SETD2: variants seen among roughly 807,000 people sequenced by gnomAD.
SETD2 encodes SET domain containing 2, histone lysine methyltransferase, also known as histone-lysine N-methyltransferase SETD2.
In SETD2, 31 loss-of-function variants were observed where a neutral mutation model predicts 242.1. The observed-to-expected ratio is 0.13, with a 90% CI of 0.10 to 0.17. The LOEUF (loss-of-function observed/expected upper bound fraction) is 0.17, where lower values mean the gene tolerates loss of function less well. Ranked by LOEUF, SETD2 falls within the 10% of genes least tolerant of loss-of-function variation. The pLI, the probability that SETD2 is intolerant of heterozygous loss-of-function variation, is 1.00. For missense variants in SETD2, 2,481 were observed against 3,046.3 expected (o/e 0.81, Z 4.37); for synonymous variants, 1,006 against 1,066.5 (o/e 0.94, Z 1.11).
chr3:47,083,143 A>AT (rs1309208291), intron 12 of SETD2, among the ~76,000 whole-genome samples: 7 of 152,324 alleles, frequency 4.6e-5, no homozygotes, highest in Middle Eastern at 3.4e-3. Flanking sequence ...TCAACAAGAG[A>AT]TTATGTATGT....
intron 18 of SETD2, among the ~76,000 whole-genome samples, chr3:47,030,753 T>A (rs374328894): frequency 3.6e-4 from 55 of 152,322 alleles, no homozygotes; most frequent in East Asian, 2.9e-3. Context: ...AAAATATAAA[T>A]TTAGAATTCC....
At chr3:47,149,909 AT>A (rs1344056942) in intron 1 of SETD2, among the ~76,000 whole-genome samples, 2 of 151,958 alleles carry the variant, frequency 1.3e-5, no homozygotes, top group Admixed American at 6.6e-5. Flanking sequence ...AGAAAACTGA[AT>A]TTTTTTGTAT....
intron 3 of SETD2, chr3:47,119,783 G>A (rs1391588884): frequency 4.3e-6 from 2 of 470,008 alleles, no homozygotes; most frequent in East Asian, 7.0e-5. Context: ...ACTTCATTCT[G>A]CACATTTTTG....
At chr3:47,105,511 C>T (rs180918770) in intron 6 of SETD2, among the ~76,000 whole-genome samples, 57 of 151,138 alleles carry the variant, frequency 3.8e-4, no homozygotes, top group Middle Eastern at 3.5e-3. Flanking sequence ...TATGTAAATT[C>T]CTCTCTCTTC....
At position 47,123,110 on chromosome 3, in the gene SETD2, T is replaced by C. The variant is rs2106695620; in HGVS notation, c.1526A>G (p.Lys509Arg). ...TTCTCTTTCTAGTTTTGAAGAATAC[T>C]TGCCTCTTCTTTCCATCTCTAAGTA... ...TSYLEMERRG[K>R]YSSKLERESK... Residue 509 changes from lysine to arginine, a missense_variant, in exon 3 of 21, where the codon AAG becomes AGG. By Grantham distance (26) the Lys-to-Arg change is conservative. This residue lies in a region of SETD2 where 1,300 missense variants were observed against 1,259.2 expected (regional missense o/e 1.03). Coordinates refer to ENST00000409792, the MANE Select transcript of SETD2 (RefSeq NM_014159.7). 6.2e-7 allele frequency: 1 copy of C among 1,612,934 alleles called. No individual in the cohort carries two copies. The highest frequency in any genetic ancestry group is 8.5e-7 in the Non-Finnish European group (1 of 1,178,966).
At chr3:47,142,787 C>T (rs2043762155) in intron 1 of SETD2, among the ~76,000 whole-genome samples, 1 of 151,880 alleles carries the variant, frequency 6.6e-6, no homozygotes, top group South Asian at 2.1e-4. Context: ...CCTGCCTCAG[C>T]CTTCTGAGTA....
intron 15 of SETD2, among the ~76,000 whole-genome samples, chr3:47,050,002 T>TTA (rs1416654019): frequency 6.8e-6 from 1 of 147,528 alleles, no homozygotes; most frequent in Non-Finnish European, 1.5e-5. Flanking sequence ...TTTATGTTTC[T>TTA]TATATATATA....
chr3:47,076,679 T>C (rs1559694622), intron 12 of SETD2, among the ~76,000 whole-genome samples: 2 of 152,072 alleles, frequency 1.3e-5, no homozygotes. Context: ...TGTATAGAAG[T>C]ACAGAAAAGG....
At chr3:47,159,723 T>TC (rs1697431885) in intron 1 of SETD2, among the ~76,000 whole-genome samples, 2 of 152,176 alleles carry the variant, frequency 1.3e-5, no homozygotes, top group Admixed American at 6.5e-5. Flanking sequence ...ACACCTGTAA[T>TC]CCCAGCACTT....
intron 18 of SETD2, among the ~76,000 whole-genome samples, chr3:47,022,018 G>A (rs564110302): frequency 4.1e-5 from 6 of 146,184 alleles, no homozygotes; most frequent in Admixed American, 1.4e-4. Flanking sequence ...GTGGTGGCGC[G>A]TGCCTGTAGT....
At chr3:47,055,633 T>C (rs909703373) in intron 15 of SETD2, among the ~76,000 whole-genome samples, 2 of 151,930 alleles carry the variant, frequency 1.3e-5, no homozygotes, top group Non-Finnish European at 2.9e-5. Flanking sequence ...TTTAAGGCTG[T>C]AGTGAGCTAT....
chr3:47,071,862 C>A (rs767886608), intron 12 of SETD2, among the ~76,000 whole-genome samples: 1 of 152,082 alleles, frequency 6.6e-6, no homozygotes, highest in Non-Finnish European at 1.5e-5. Context: ...AGCAATGCAG[C>A]ACTTCATTAA....
intron 11 of SETD2, 140 bp from the exon 12 acceptor site, chr3:47,084,522 T>C: frequency 1.6e-6 from 1 of 610,090 alleles, no homozygotes; most frequent in Non-Finnish European, 2.9e-6. Flanking sequence ...CCTCCTGGGT[T>C]CAAGCAATTC....
chr3:47,151,000 T>A (rs895870604), intron 1 of SETD2, among the ~76,000 whole-genome samples: 4 of 151,902 alleles, frequency 2.6e-5, no homozygotes, highest in Admixed American at 2.0e-4. Flanking sequence ...ACAATGCTGC[T>A]GGTAATCAAA....
intron 10 of SETD2, 93 bp downstream of exon 10, chr3:47,088,016 GACTA>G (rs1187335561): frequency 1.1e-5 from 13 of 1,193,248 alleles, no homozygotes; most frequent in African/African-American, 6.3e-5. Context: ...AATAAAATAA[GACTA>G]ACTCTTATCA....
At chr3:47,108,925 C>T (rs1382332290) in intron 5 of SETD2, among the ~76,000 whole-genome samples, 2 of 152,186 alleles carry the variant, frequency 1.3e-5, no homozygotes, top group African/African-American at 4.8e-5. Context: ...CAGAAAACAT[C>T]ATATTGCCTG....
chr3:47,051,296 G>C (rs890869081), intron 15 of SETD2, among the ~76,000 whole-genome samples: 1 of 151,950 alleles, frequency 6.6e-6, no homozygotes, highest in Non-Finnish European at 1.5e-5. Flanking sequence ...GTAAAGATGA[G>C]GTTTCGCCAT....
intron 18 of SETD2, among the ~76,000 whole-genome samples, chr3:47,022,234 A>ACACACACACAC (rs2038263226): frequency 1.3e-5 from 1 of 79,592 alleles, no homozygotes; most frequent in African/African-American, 4.2e-5. Flanking sequence ...CACACACACA[A>ACACACACACAC]ATTTAGCACG....
At chr3:47,029,476 TAAAAAGCAAAAAA>T (rs1299989824) in intron 18 of SETD2, among the ~76,000 whole-genome samples, 3 of 121,362 alleles carry the variant, frequency 2.5e-5, no homozygotes, top group Non-Finnish European at 5.4e-5. Flanking sequence ...AACACACAAA[TAAAAAGCAAAAAA>T]AAAAAACAAA....
Sources: gnomAD v4.1 joint callset for allele counts (sites outside exome capture counted in the v4.1 genomes callset) on GRCh38, gnomAD v4.1.1 for gene constraint, gnomAD v4.1.1 regional missense constraint, MANE v1.5 for transcripts, NCBI Gene and HGNC (gene_info 2026-07-23, HGNC 2026-07-21) for gene names.